Variants in MYH10 observed in about 807,000 individuals in gnomAD.
MYH10 encodes myosin-10.
A neutral mutation model predicts 257.8 loss-of-function variants in MYH10; 55 were observed. The ratio of observed to expected loss-of-function variants is 0.21; its 90% CI spans 0.17 to 0.27. The LOEUF (loss-of-function observed/expected upper bound fraction) is 0.27. MYH10 is among the 10% of genes least tolerant of loss of function. The probability of loss-of-function intolerance (pLI) is 1.00; values close to 1 mark genes in which losing one functional copy is unlikely to be tolerated. For missense variants in MYH10, 1,631 were observed against 2,500.6 expected (o/e 0.65, Z 7.42); for synonymous variants, 854 against 921.7 (o/e 0.93, Z 1.33).
intron 36 of MYH10, among the ~76,000 whole-genome samples, chr17:8,485,132 C>T (rs558372118): frequency 1.9e-4 from 29 of 152,104 alleles, no homozygotes; most frequent in Non-Finnish European, 3.7e-4. Context: ...CCCACAAGAA[C>T]TAATTGATGA....
intron 24 of MYH10, 90 bp from the exon 25 acceptor site, chr17:8,510,039 A>ATT (rs2081209513): frequency 2.0e-5 from 22 of 1,076,466 alleles, no homozygotes; most frequent in South Asian, 6.6e-5. Context: ...ATGAGATACT[A>ATT]ATTTTTTTTT....
chr17:8,504,849 T>C lies in MYH10; in HGVS notation c.3444A>G (p.Gln1148=). ...NNALKVVREL[Q]AQIAELQEDF... is the part of the protein sequence containing the mutation. The stretch of plus-strand genomic sequence containing the variant: ...CTTCCTGAAGTTCAGCAATTTGGGC[T>C]TGTAGCTCTCGCACAACTTTAAGGG... Residue 1148 remains glutamine, a synonymous_variant, in exon 28 of 43, where the codon CAA becomes CAG. Transcript: ENST00000360416. The surrounding 1 kb of genome is among the most constrained non-coding windows in gnomAD (Gnocchi z 5.6). 1.2e-6 allele frequency: 2 copies of C among 1,614,234 alleles called. No homozygotes were observed. Among genetic ancestry groups the C allele is most frequent in the South Asian group, 1.1e-5 (1 of 91,086 alleles).
intron 28 of MYH10, among the ~76,000 whole-genome samples, chr17:8,502,254 G>A (rs1220478841): frequency 6.6e-6 from 1 of 152,176 alleles, no homozygotes; most frequent in Non-Finnish European, 1.5e-5. Context: ...CAAGAGAACA[G>A]GGCCTGGTGG....
intron 4 of MYH10, 79 bp from the exon 5 acceptor site, chr17:8,577,417 A>C: frequency 1.4e-6 from 1 of 738,572 alleles, no homozygotes; most frequent in Admixed American, 2.2e-5. Flanking sequence ...ATAAAATTAA[A>C]TTGTATTGGA....
Position 8,570,785 on chromosome 17 carries a change from G to A in MYH10, c.664-973C>T, listed in dbSNP as rs139868167. 1.1e-3 allele frequency among the ~76,000 whole-genome samples: 164 copies of A among 152,280 alleles called. 1 individual carries two copies. The highest frequency in any genetic ancestry group is 3.8e-3 in the African/African-American group (158 of 41,534). On this transcript the variant is annotated intron_variant, in intron 6 of 42. Transcript: ENST00000360416. ...TTTAAATTAGTGGCATTTGGTATGT[G>A]ATGCACTCCATCACCATCAAATTCA...
At chr17:8,602,353 G>A (rs112341457) in intron 3 of MYH10, among the ~76,000 whole-genome samples, 3 of 152,310 alleles carry the variant, frequency 2.0e-5, no homozygotes, top group African/African-American at 7.2e-5. Flanking sequence ...GTGGGGCCAC[G>A]TGCTCTGAAT....
chr17:8,519,890 A>G (rs547392994), intron 19 of MYH10, among the ~76,000 whole-genome samples: 25 of 152,330 alleles, frequency 1.6e-4, no homozygotes, highest in East Asian at 3.9e-4. Flanking sequence ...AACTCTCAAC[A>G]TATGTTTGTA....
intron 11 of MYH10, among the ~76,000 whole-genome samples, chr17:8,547,017 C>T (rs1185331824): frequency 1.3e-5 from 2 of 152,140 alleles, no homozygotes; most frequent in Admixed American, 6.6e-5. Flanking sequence ...GCTCCATTTT[C>T]AACTTGGGCT....
At chr17:8,559,414 T>C (rs1567899934) in intron 7 of MYH10, among the ~76,000 whole-genome samples, 1 of 151,982 alleles carries the variant, frequency 6.6e-6, no homozygotes, top group African/African-American at 2.4e-5. Context: ...TGGGGTGATA[T>C]AATAAATAAA....
chr17:8,475,610 G>A lies in MYH10; in HGVS notation c.*194C>T. On this transcript the variant is annotated 3_prime_UTR_variant, in exon 43 of 43. Coordinates refer to ENST00000360416, the MANE Select transcript of MYH10 (RefSeq NM_001256012.3). ...TGTTTAATATATGTGTCCTGTGTGT[G>A]TCTATATATAAAAAGGGGAGCAATT... The A allele has an allele frequency of 1.7e-6, 1 of 602,242 alleles. No individual in the cohort carries two copies. The highest frequency in any genetic ancestry group is 2.9e-6 in the Non-Finnish European group (1 of 342,852). 37.3% of individuals were successfully genotyped at this position (602,242 alleles called of 1,614,324 possible).
intron 21 of MYH10, among the ~76,000 whole-genome samples, chr17:8,517,951 C>T (rs1404299911): frequency 6.6e-6 from 1 of 152,040 alleles, no homozygotes; most frequent in Non-Finnish European, 1.5e-5. Flanking sequence ...AGCCTTCTTA[C>T]CCTTGAGGTT....
intron 7 of MYH10, chr17:8,560,597 G>C (rs2082958360): frequency 1.1e-6 from 1 of 897,736 alleles, no homozygotes; most frequent in African/African-American, 1.7e-5. Context: ...CTGAGCACTG[G>C]AGGAAAAGGA....
chr17:8,528,449 A>G (rs972609954), intron 17 of MYH10, among the ~76,000 whole-genome samples: 2 of 152,146 alleles, frequency 1.3e-5, no homozygotes, highest in African/African-American at 2.4e-5. Flanking sequence ...GCAGAAACTT[A>G]TATGACCTCC....
chr17:8,489,843 T>C (rs374972100), intron 35 of MYH10, among the ~76,000 whole-genome samples: 1 of 152,190 alleles, frequency 6.6e-6, no homozygotes, highest in African/African-American at 2.4e-5. Flanking sequence ...ATTTAACATA[T>C]ATGCAGAAAA....
chr17:8,542,134 C>T lies in MYH10; in HGVS notation c.1578G>A (p.Gln526=). 2 of 1,614,106 alleles carry T rather than the reference C, an allele frequency of 1.2e-6. No individual in the cohort carries two copies. Among genetic ancestry groups the T allele is most frequent in the Middle Eastern group, 1.6e-4 (1 of 6,062 alleles). ...GTCTCTCTATTAGGTCGATGCATGGCTGCAGATCCAGCCCGAAATCGATGA... is the reference window on the plus strand; with the variant it reads ...GTCTCTCTATTAGGTCGATGCATGGTTGCAGATCCAGCCCGAAATCGATGA... ...WNFIDFGLDL[Q]PCIDLIERPA... Residue 526 remains glutamine, a synonymous_variant, in exon 14 of 43, where the codon CAG becomes CAA. Coordinates refer to ENST00000360416, the MANE Select transcript of MYH10 (RefSeq NM_001256012.3).
chr17:8,504,919 C>G lies in MYH10; in HGVS notation c.3387-13G>C, dbSNP rs765827447. ...TTCATCATCACCTCTGTTAAAACAC[C>G]CAGGCGCAAGAGGCACTCAGAGATG... On this transcript the variant is annotated splice_polypyrimidine_tract_variant and intron_variant, in intron 27 of 42. Coordinates refer to ENST00000360416, the MANE Select transcript of MYH10 (RefSeq NM_001256012.3). This position sits in a 1 kb window ranked among gnomAD's most constrained non-coding sequence, Gnocchi z 5.6. The G allele has an allele frequency of 6.2e-7, 1 of 1,612,046 alleles. No homozygotes were observed. The highest frequency in any genetic ancestry group is 2.2e-5 in the East Asian group (1 of 44,864).
At chr17:8,610,701 C>T (rs575154698) in intron 2 of MYH10, among the ~76,000 whole-genome samples, 1 of 152,318 alleles carries the variant, frequency 6.6e-6, no homozygotes, top group East Asian at 1.9e-4. Flanking sequence ...GCTCTTCTTG[C>T]CCTTCCGCCT....
chr17:8,626,868 T>A (rs571540872), intron 1 of MYH10, among the ~76,000 whole-genome samples: 160 of 152,220 alleles, frequency 1.1e-3, no homozygotes, highest in Non-Finnish European at 1.9e-3. Flanking sequence ...CTTCTTAAAT[T>A]TTACACTGGA....
At chr17:8,598,080 C>G (rs1381433293) in intron 3 of MYH10, among the ~76,000 whole-genome samples, 1 of 152,184 alleles carries the variant, frequency 6.6e-6, no homozygotes, top group African/African-American at 2.4e-5. Flanking sequence ...CTCCCGGGTT[C>G]AGGCCATTCT....
Sources: gnomAD v4.1 joint callset for allele counts (sites outside exome capture counted in the v4.1 genomes callset) on GRCh38, gnomAD v4.1.1 for gene constraint, Gnocchi (gnomAD v3.1) non-coding constraint, MANE v1.5 for transcripts, NCBI Gene and HGNC (gene_info 2026-07-23, HGNC 2026-07-21) for gene names.